PCDH15: variants seen among roughly 807,000 people sequenced by gnomAD.
PCDH15 encodes the protein protocadherin related 15.
Under a neutral mutation model 178.5 loss-of-function variants are expected in PCDH15, and 129 were observed. The observed-to-expected ratio is 0.72, with a 90% CI of 0.63 to 0.84. The LOEUF (loss-of-function observed/expected upper bound fraction) is 0.84, where lower values mean the gene tolerates loss of function less well. Ranked by LOEUF, PCDH15 falls within the 40% of genes least tolerant of loss-of-function variation. The pLI, the probability that PCDH15 is intolerant of heterozygous loss-of-function variation, is 0.00. For missense variants in PCDH15, 2,230 were observed against 2,099.9 expected (o/e 1.06, Z -1.21); for synonymous variants, 800 against 732.0 (o/e 1.09, Z -1.50).
chr10:54,643,537 GGATA>G (rs1440063433), intron 2 of PCDH15, among the ~76,000 whole-genome samples: 10 of 151,932 alleles, frequency 6.6e-5, no homozygotes, highest in African/African-American at 2.4e-4. Flanking sequence ...TATTTTCCCA[GGATA>G]GATTATCATT....
intron 2 of PCDH15, among the ~76,000 whole-genome samples, chr10:55,502,703 T>C (rs1840682111): frequency 1.3e-5 from 2 of 151,780 alleles, no homozygotes; most frequent in East Asian, 3.9e-4. Context: ...GATTGTTAGA[T>C]TGGTCAAACT....
At chr10:55,373,780 T>C (rs1286107146) in intron 2 of PCDH15, among the ~76,000 whole-genome samples, 4 of 152,012 alleles carry the variant, frequency 2.6e-5, no homozygotes, top group African/African-American at 7.2e-5. Flanking sequence ...GGTTTTCTTC[T>C]AGGGATTTTA....
chr10:55,496,256 A>T (rs986564965), intron 2 of PCDH15, among the ~76,000 whole-genome samples: 1 of 151,848 alleles, frequency 6.6e-6, no homozygotes, highest in Non-Finnish European at 1.5e-5. Flanking sequence ...TGAAAAAAAA[A>T]TTCAAAGAAA....
chr10:54,888,844 T>C (rs1156692076), intron 3 of PCDH15, among the ~76,000 whole-genome samples: 1 of 151,326 alleles, frequency 6.6e-6, no homozygotes, highest in Admixed American at 6.6e-5. Flanking sequence ...TTTTTGTACA[T>C]GCTAAATGAT....
At chr10:55,456,797 T>C (rs1231215575) in intron 2 of PCDH15, among the ~76,000 whole-genome samples, 1 of 152,000 alleles carries the variant, frequency 6.6e-6, no homozygotes, top group Non-Finnish European at 1.5e-5. Context: ...TTGGAAACCA[T>C]AGATGATAGA....
intron 1 of PCDH15, among the ~76,000 whole-genome samples, chr10:55,168,177 A>G (rs910334751): frequency 6.6e-6 from 1 of 152,138 alleles, no homozygotes; most frequent in Non-Finnish European, 1.5e-5. Flanking sequence ...TCCTTTCCAG[A>G]CAAATTATGG....
At chr10:55,164,050 C>T (rs895604187) in intron 2 of PCDH15, among the ~76,000 whole-genome samples, 10 of 152,128 alleles carry the variant, frequency 6.6e-5, no homozygotes, top group African/African-American at 1.9e-4. Flanking sequence ...GGTTACATAA[C>T]CCCAGACCAG....
intron 1 of PCDH15, among the ~76,000 whole-genome samples, chr10:54,736,163 T>A (rs1226024653): frequency 2.0e-5 from 3 of 152,082 alleles, no homozygotes; most frequent in Non-Finnish European, 4.4e-5. Context: ...AATCTAACTC[T>A]GTAGCATGTG....
intron 1 of PCDH15, among the ~76,000 whole-genome samples, chr10:54,708,523 A>AGATC (rs1231468799): frequency 1.3e-5 from 2 of 152,230 alleles, no homozygotes; most frequent in African/African-American, 4.8e-5. Context: ...TATATTACAT[A>AGATC]GATCGGACAT....
At chr10:55,578,657 A>G (rs374948025) in intron 2 of PCDH15, among the ~76,000 whole-genome samples, 5 of 152,326 alleles carry the variant, frequency 3.3e-5, no homozygotes, top group African/African-American at 9.6e-5. Context: ...CACTGCTAAT[A>G]AAGATATACT....
At chr10:54,924,608 A>AT (rs144345018) in intron 2 of PCDH15, among the ~76,000 whole-genome samples, 8,285 of 149,588 alleles carry the variant, frequency 0.055, 1,031 homozygotes, top group African/African-American at 0.19. Context: ...AGCATCTGTT[A>AT]TTTTTTTTTA....
intron 2 of PCDH15, among the ~76,000 whole-genome samples, chr10:55,003,634 G>C (rs538721876): frequency 1.7e-4 from 26 of 152,114 alleles, no homozygotes; most frequent in Non-Finnish European, 3.1e-4. Flanking sequence ...AGTTCAATAA[G>C]AGTATATTTT....
chr10:55,256,733 G>A (rs1021986872), intron 1 of PCDH15, among the ~76,000 whole-genome samples: 56 of 152,280 alleles, frequency 3.7e-4, no homozygotes, highest in African/African-American at 1.1e-3. Context: ...TGGGAAGCTC[G>A]AACTGGGTGG....
chr10:55,001,117 A>G (rs1839785514), intron 2 of PCDH15, among the ~76,000 whole-genome samples: 1 of 152,074 alleles, frequency 6.6e-6, no homozygotes, highest in African/African-American at 2.4e-5. Context: ...TTGCCTGTGG[A>G]AAGGAGCTAC....
At chr10:54,031,239 GT>G (rs11315261) in intron 18 of PCDH15, among the ~76,000 whole-genome samples, 113,658 of 150,694 alleles carry the variant, frequency 0.75, 42,960 homozygotes, top group Middle Eastern at 0.81. Context: ...CCTGATATAG[GT>G]TTTTTTTTTG....
intron 26 of PCDH15, among the ~76,000 whole-genome samples, chr10:53,886,560 G>C (rs2081107525): frequency 6.7e-6 from 1 of 150,078 alleles, no homozygotes; most frequent in South Asian, 2.1e-4. Context: ...TTTGGGGCAG[G>C]AGCTGCTAGT....
chr10:54,279,155 C>G (rs1198852658), intron 8 of PCDH15, among the ~76,000 whole-genome samples: 1 of 151,404 alleles, frequency 6.6e-6, no homozygotes, highest in African/African-American at 2.4e-5. Flanking sequence ...TAAATATTAG[C>G]TTAAATAACA....
rs550465333 is a variant in PCDH15 at position 55,313,259 on chromosome 10, T to C, written c.-156+6340A>G. On this transcript the variant is annotated intron_variant, in intron 1 of 5. Coordinates refer to the PCDH15 transcript ENST00000458638. Reference sequence around the variant, plus strand: ...ACCTTAAAATATTAAATATCACTAATTATAAATATTATAAAACAAATCCTC... The same window carrying C: ...ACCTTAAAATATTAAATATCACTAACTATAAATATTATAAAACAAATCCTC... Among the ~76,000 whole-genome samples, 141 of 152,286 alleles carry C rather than the reference T, an allele frequency of 9.3e-4. 2 individuals carry two copies. The South Asian group carries it at 0.028, about 31-fold the overall frequency.
chr10:54,444,030 G>GA lies in PCDH15; in HGVS notation c.158-65089dup, dbSNP rs557476061. 1.8e-4 allele frequency among the ~76,000 whole-genome samples: 27 copies of GA among 151,470 alleles called. No homozygotes were observed. The East Asian group carries it at 2.3e-3, about 13-fold the overall frequency. ...TCCTTGAAATAATAGCATTGTGAGA[G>GA]AAAAAAAATCTTCATTCTTTTTAAA... On this transcript the variant is annotated intron_variant, in intron 3 of 37. Transcript: ENST00000644397.
Sources: gnomAD v4.1 joint callset for allele counts (sites outside exome capture counted in the v4.1 genomes callset) on GRCh38, gnomAD v4.1.1 for gene constraint, MANE v1.5 for transcripts, NCBI Gene and HGNC (gene_info 2026-07-23, HGNC 2026-07-21) for gene names.